AXIN1: variants seen among roughly 807,000 people sequenced by gnomAD.
The protein encoded by AXIN1 is axin-1.
A neutral mutation model predicts 76.4 loss-of-function variants in AXIN1; 30 were observed. That is an observed-to-expected ratio of 0.39 (90% CI 0.29 to 0.53). AXIN1 has a LOEUF of 0.53. Ranked by LOEUF, AXIN1 falls within the 20% of genes least tolerant of loss-of-function variation. The pLI is 0.66. For missense variants in AXIN1, 1,140 were observed against 1,198.8 expected, an observed-to-expected ratio of 0.95 and a Z score of 0.72; for synonymous variants, 545 against 501.4, an observed-to-expected ratio of 1.09 and a Z score of -1.16.
At chr16:288,324 G>A (rs771897916) in intron 10 of AXIN1, 76 bp from the exon 11 acceptor site, 23 of 1,579,232 alleles carry the variant, frequency 1.5e-5, no homozygotes, top group Non-Finnish European at 1.8e-5. Context: ...AGGGGACGGC[G>A]TGTCCACACC....
intron 2 of AXIN1, among the ~76,000 whole-genome samples, chr16:326,367 AAAAAAATATAT>A (rs1185729944): frequency 9.9e-6 from 1 of 101,518 alleles, no homozygotes; most frequent in African/African-American, 5.4e-5. Flanking sequence ...AAAAAAAAAA[AAAAAAATATAT>A]ATATATATAT....
chr16:350,655 T>C (rs147601640), intron 1 of AXIN1, among the ~76,000 whole-genome samples: 16 of 152,360 alleles, frequency 1.1e-4, no homozygotes, highest in African/African-American at 3.6e-4. Flanking sequence ...GGTTCAGGGC[T>C]ACTATTTCAC....
At chr16:310,619 G>T (rs992084857) in intron 3 of AXIN1, among the ~76,000 whole-genome samples, 1 of 152,170 alleles carries the variant, frequency 6.6e-6, no homozygotes, top group Non-Finnish European at 1.5e-5. Context: ...GGAGAGTCTC[G>T]ATCTCCTGAC....
intron 2 of AXIN1, among the ~76,000 whole-genome samples, chr16:333,858 C>T (rs549209366): frequency 7.1e-6 from 1 of 141,660 alleles, no homozygotes; most frequent in Admixed American, 7.0e-5. Context: ...CACCCAGTAC[C>T]ATGGCACCCA....
At chr16:311,848 G>A (rs889791207) in intron 3 of AXIN1, among the ~76,000 whole-genome samples, 15 of 152,282 alleles carry the variant, frequency 9.9e-5, no homozygotes, top group East Asian at 3.9e-4. Context: ...GCACCCAGGG[G>A]CCTCTCAGAG....
rs1337150491 is a variant in AXIN1 at position 346,528 on chromosome 16, G to A, written c.498C>T (p.Ser166=). 1.9e-6 allele frequency: 3 copies of A among 1,614,170 alleles called. No homozygotes were observed. The highest frequency in any genetic ancestry group is 3.3e-5 in the Admixed American group (2 of 60,020). The stretch of plus-strand genomic sequence containing the variant: ...GCTTCATGATGCAGCCCTTTATGAA[G>A]CTCTTGGTGGCTGGCTTGGTCTGCC... ...VSRQTKPATK[S]FIKGCIMKQL... The change falls in exon 2 of 11, where the codon AGC becomes AGT. Residue 166 remains serine, a synonymous_variant. Transcript: ENST00000262320.
intron 2 of AXIN1, among the ~76,000 whole-genome samples, chr16:338,075 G>A (rs537467027): frequency 1.3e-5 from 2 of 152,324 alleles, no homozygotes; most frequent in East Asian, 3.9e-4. Flanking sequence ...GCCCAAGAAA[G>A]AGCCAACAGG....
At chr16:335,735 CAG>C (rs2141669078) in intron 2 of AXIN1, among the ~76,000 whole-genome samples, 1 of 152,244 alleles carries the variant, frequency 6.6e-6, no homozygotes, top group Non-Finnish European at 1.5e-5. Flanking sequence ...CTGTTTCAAC[CAG>C]AGTGGGAATA....
chr16:306,537 G>A (rs571233575), intron 4 of AXIN1, among the ~76,000 whole-genome samples: 41 of 150,998 alleles, frequency 2.7e-4, no homozygotes, highest in African/African-American at 9.5e-4. Flanking sequence ...CTGTGCACCC[G>A]TTTCTCATCT....
intron 2 of AXIN1, among the ~76,000 whole-genome samples, chr16:338,983 C>A (rs2053860818): frequency 1.1e-5 from 1 of 93,364 alleles, no homozygotes; most frequent in African/African-American, 5.5e-5. Flanking sequence ...TCCAGCAGAG[C>A]ACCAGCAGAG....
At chr16:352,261 A>ACC (rs935236928) in intron 1 of AXIN1, 108 bp downstream of exon 1, 12 of 629,484 alleles carry the variant, frequency 1.9e-5, no homozygotes, top group Non-Finnish European at 2.2e-5. Flanking sequence ...CCGCGCGCCC[A>ACC]CCCCCTCGGT....
intron 10 of AXIN1, among the ~76,000 whole-genome samples, chr16:289,073 CTTTTTCTTCTTTTTTTTT>C (rs1414841908): frequency 2.1e-5 from 3 of 145,108 alleles, no homozygotes; most frequent in Non-Finnish European, 3.0e-5. Context: ...GCCGGAAGCC[CTTTTTCTTCTTTTTTTTT>C]TTTTGGGCGG....
chr16:320,565 G>A (rs1398967055), intron 2 of AXIN1, among the ~76,000 whole-genome samples: 1 of 151,690 alleles, frequency 6.6e-6, no homozygotes, highest in Non-Finnish European at 1.5e-5. Context: ...TAACACACAC[G>A]TGCAAATTTG....
At chr16:328,343 T>C (rs556236860) in intron 2 of AXIN1, among the ~76,000 whole-genome samples, 62 of 146,770 alleles carry the variant, frequency 4.2e-4, no homozygotes, top group African/African-American at 1.5e-3. Context: ...CAGTGAGCCA[T>C]GATCATGCCA....
At chr16:344,227 C>A (rs893834224) in intron 2 of AXIN1, among the ~76,000 whole-genome samples, 1 of 151,786 alleles carries the variant, frequency 6.6e-6, no homozygotes, top group African/African-American at 2.4e-5. Context: ...GTCAGGAGAT[C>A]GAGACCATCC....
At chr16:351,768 T>C (rs12927169) in intron 1 of AXIN1, among the ~76,000 whole-genome samples, 32,953 of 152,022 alleles carry the variant, frequency 0.22, 4,209 homozygotes, top group South Asian at 0.4. Context: ...ATATATCTTA[T>C]AGATGGGCTG....
At chr16:347,624 C>T (rs746534101) in intron 1 of AXIN1, among the ~76,000 whole-genome samples, 2 of 152,242 alleles carry the variant, frequency 1.3e-5, no homozygotes, top group Admixed American at 6.5e-5. Context: ...CTGAACCCCA[C>T]GTCCTCCAGG....
intron 5 of AXIN1, among the ~76,000 whole-genome samples, chr16:301,836 G>A (rs1489804239): frequency 3.9e-5 from 6 of 152,142 alleles, no homozygotes; most frequent in Non-Finnish European, 5.9e-5. Context: ...CGGCCAACAC[G>A]GCAGCAAAAC....
intron 5 of AXIN1, among the ~76,000 whole-genome samples, chr16:300,388 G>A (rs1301030210): frequency 6.6e-6 from 1 of 151,856 alleles, no homozygotes; most frequent in East Asian, 1.9e-4. Context: ...TGTAGAGATG[G>A]GGAATCTCAC....
Sources: allele counts gnomAD v4.1 joint callset (sites outside exome capture counted in the v4.1 genomes callset), GRCh38; gene constraint gnomAD v4.1.1; transcripts MANE v1.5; gene names NCBI Gene and HGNC (gene_info 2026-07-23, HGNC 2026-07-21).